The following TMLHE variants were observed in gnomAD, a reference collection of about 807,000 sequenced individuals.
The protein encoded by TMLHE is trimethyllysine dioxygenase, mitochondrial.
A neutral mutation model predicts 25.7 loss-of-function variants in TMLHE; 18 were observed. That is an observed-to-expected ratio of 0.70 (90% CI 0.48 to 1.04). The LOEUF is 1.04. Ranked by LOEUF, TMLHE falls within the 50% of genes least tolerant of loss-of-function variation. The pLI, the probability that TMLHE is intolerant of heterozygous loss-of-function variation, is 0.00. For synonymous variants in TMLHE, 105 were observed against 97.0 expected, an observed-to-expected ratio of 1.08 and a Z score of -0.49; for missense variants, 236 against 259.0, an observed-to-expected ratio of 0.91 and a Z score of 0.61.
At chrX:155,550,775 C>T (rs1386758459) in intron 1 of TMLHE, among the ~76,000 whole-genome samples, 8 of 110,269 alleles carry the variant, frequency 7.3e-5, no homozygotes, top group African/African-American at 2.3e-4. Context: ...TCTGATGATC[C>T]GGCCCTGCCC....
At chrX:155,599,990 A>G (rs1012639144) in intron 1 of TMLHE, among the ~76,000 whole-genome samples, 2 of 111,248 alleles carry the variant, frequency 1.8e-5, no homozygotes, top group African/African-American at 6.5e-5. Flanking sequence ...TTTAATATTA[A>G]CCTTGACATG....
intron 2 of TMLHE, among the ~76,000 whole-genome samples, chrX:155,532,185 TCAA>T (rs1396158795): frequency 9.0e-6 from 1 of 111,646 alleles, no homozygotes; most frequent in Non-Finnish European, 1.9e-5. Context: ...GTCCAGATTT[TCAA>T]CAACAAGAAA....
intron 3 of TMLHE, among the ~76,000 whole-genome samples, chrX:155,515,624 G>C (rs73577030): frequency 1.4e-3 from 151 of 111,621 alleles, no homozygotes; most frequent in African/African-American, 4.8e-3. Context: ...CATCAAAATG[G>C]AGTATTCTTA....
At chrX:155,561,019 G>C (rs1938080659) in intron 1 of TMLHE, among the ~76,000 whole-genome samples, 1 of 61,150 alleles carries the variant, frequency 1.6e-5, no homozygotes, top group Non-Finnish European at 4.6e-5. Flanking sequence ...TAGTGACTTA[G>C]ACTAAGGCAG....
chrX:155,548,894 T>C (rs1252637806), intron 1 of TMLHE, among the ~76,000 whole-genome samples: 3 of 111,042 alleles, frequency 2.7e-5, no homozygotes, highest in Non-Finnish European at 5.7e-5. Context: ...AATTGTAATC[T>C]AGTCACAGTG....
chrX:155,541,292 G>C (rs377435472), intron 2 of TMLHE, among the ~76,000 whole-genome samples: 1 of 110,958 alleles, frequency 9.0e-6, no homozygotes, highest in Non-Finnish European at 1.9e-5. Flanking sequence ...GAGAACATGC[G>C]ATGTTTGGTT....
At chrX:155,556,879 C>A (rs1364695870) in intron 1 of TMLHE, among the ~76,000 whole-genome samples, 1 of 111,680 alleles carries the variant, frequency 9.0e-6, no homozygotes, top group Non-Finnish European at 1.9e-5. Flanking sequence ...CCCCTAGGTG[C>A]GCATTCTCTT....
chrX:155,507,771 C>T (rs782775142), intron 5 of TMLHE, among the ~76,000 whole-genome samples: 2 of 110,637 alleles, frequency 1.8e-5, no homozygotes, highest in Non-Finnish European at 3.8e-5. Context: ...TGAAACTCTA[C>T]GGCCATATCA....
Position 155,536,199 on chromosome X carries a change from G to A in TMLHE, c.181+8897C>T, listed in dbSNP as rs73247694. Reference sequence around the variant, plus strand: ...ATTGCCACAAGACTGTGAGTATCTTGAGGATAGGGAATGTGTCTTCTTCCT... The same window carrying A: ...ATTGCCACAAGACTGTGAGTATCTTAAGGATAGGGAATGTGTCTTCTTCCT... On this transcript the variant is annotated intron_variant, in intron 2 of 7. Transcript: ENST00000334398. Among the ~76,000 whole-genome samples, 13 of 111,210 alleles carry A rather than the reference G, an allele frequency of 1.2e-4. 1 individual carries two copies. The highest frequency in any genetic ancestry group is 3.8e-4 in the South Asian group (1 of 2,664).
intron 1 of TMLHE, among the ~76,000 whole-genome samples, chrX:155,598,785 C>A (rs1032753280): frequency 3.6e-5 from 4 of 111,451 alleles, no homozygotes; most frequent in Non-Finnish European, 7.5e-5. Context: ...ACTTCTTTTA[C>A]AATATGGACT....
chrX:155,522,184 G>A (rs1019774013), intron 3 of TMLHE, among the ~76,000 whole-genome samples: 6 of 112,079 alleles, frequency 5.4e-5, no homozygotes, highest in African/African-American at 1.6e-4. Context: ...CTATTGTAGA[G>A]AAATTAGTAG....
At chrX:155,537,353 T>C (rs2067285083) in intron 2 of TMLHE, among the ~76,000 whole-genome samples, 1 of 111,513 alleles carries the variant, frequency 9.0e-6, no homozygotes, top group Admixed American at 9.5e-5. Context: ...TCTAATCAAG[T>C]ACCTCTTGAG....
At chrX:155,534,046 T>C (rs781899323) in intron 2 of TMLHE, among the ~76,000 whole-genome samples, 1 of 111,963 alleles carries the variant, frequency 8.9e-6, no homozygotes, top group South Asian at 3.8e-4. Flanking sequence ...GCATGAACCA[T>C]GGTCCTAGTC....
At chrX:155,542,644 T>C (rs1272465866) in intron 2 of TMLHE, among the ~76,000 whole-genome samples, 1 of 111,777 alleles carries the variant, frequency 8.9e-6, no homozygotes, top group African/African-American at 3.2e-5. Flanking sequence ...CAAAATAGTA[T>C]TGATGTATGA....
At chrX:155,508,285 G>C (rs1847560145) in intron 5 of TMLHE, among the ~76,000 whole-genome samples, 1 of 111,001 alleles carries the variant, frequency 9.0e-6, no homozygotes, top group African/African-American at 3.3e-5. Flanking sequence ...GCAAAACTAA[G>C]AAAAAGTAAA....
rs187606125 is a variant in TMLHE at position 155,573,922 on chromosome X, A to G, written c.-1-28645T>C. ...TGGGTGCAGCACACCAGCATGGCAC[A>G]TGTATACATATGTAACAAATCTGCA... On this transcript the variant is annotated intron_variant, in intron 1 of 7. Coordinates refer to ENST00000334398, the MANE Select transcript of TMLHE (RefSeq NM_018196.4). Among the ~76,000 whole-genome samples, 39 of 100,341 alleles carry G rather than the reference A, an allele frequency of 3.9e-4. 2 individuals are homozygous for G. The highest frequency in any genetic ancestry group is 1.3e-3 in the African/African-American group (35 of 26,055). 87.1% of individuals were successfully genotyped at this position (100,341 alleles called of 115,157 possible). A position where few individuals can be genotyped will look rare whatever the true frequency, so the allele number is the denominator to read the frequency against.
intron 1 of TMLHE, among the ~76,000 whole-genome samples, chrX:155,576,146 G>T (rs917513840): frequency 9.9e-5 from 11 of 110,974 alleles, no homozygotes; most frequent in South Asian, 3.8e-4. Flanking sequence ...AAAAAAATCA[G>T]CACTTCAGCA....
chrX:155,532,378 A>G (rs1321602105), intron 2 of TMLHE, among the ~76,000 whole-genome samples: 2 of 112,016 alleles, frequency 1.8e-5, no homozygotes, highest in African/African-American at 6.5e-5. Flanking sequence ...GCTTTACAGG[A>G]GAGAAGCAGA....
At chrX:155,504,864 G>A (rs1557332514) in intron 6 of TMLHE, among the ~76,000 whole-genome samples, 1 of 111,171 alleles carries the variant, frequency 9.0e-6, no homozygotes, top group African/African-American at 3.3e-5. Flanking sequence ...ATCAAACTGT[G>A]GGTTCCTCTG....
Sources: gnomAD v4.1 joint callset for allele counts (sites outside exome capture counted in the v4.1 genomes callset) on GRCh38, gnomAD v4.1.1 for gene constraint, MANE v1.5 for transcripts, NCBI Gene and HGNC (gene_info 2026-07-23, HGNC 2026-07-21) for gene names.